Variants in PRPF39 observed in about 807,000 individuals in gnomAD.
PRPF39 encodes the protein pre-mRNA processing factor 39, also known as pre-mRNA-processing factor 39.
PRPF39 carries 27 observed loss-of-function variants against 82.1 expected under a neutral mutation model. The observed-to-expected ratio is 0.33, with a 90% CI of 0.24 to 0.45. The LOEUF (loss-of-function observed/expected upper bound fraction) is 0.45, where lower values mean the gene tolerates loss of function less well. Ranked by LOEUF, PRPF39 falls within the 20% of genes least tolerant of loss-of-function variation. The pLI, the probability that PRPF39 is intolerant of heterozygous loss-of-function variation, is 1.00. For missense variants in PRPF39, 581 were observed against 796.9 expected (o/e 0.73, Z 3.26); for synonymous variants, 261 against 256.4 (o/e 1.02, Z -0.17).
intron 4 of PRPF39, 111 bp downstream of exon 4, chr14:45,097,116 TAAA>T: frequency 7.3e-7 from 1 of 1,376,600 alleles, no homozygotes; most frequent in Non-Finnish European, 9.5e-7. Flanking sequence ...ATTCCATTGT[TAAA>T]AAAATGATAC....
chr14:45,114,621 C>G lies in PRPF39; in HGVS notation c.1953+7C>G. ...TTATAGTGCGTGGTATCAAGTGAGT[C>G]TGCATAATTATAATTCTTTGTTCAT... On this transcript the variant is annotated splice_region_variant and intron_variant, in intron 13 of 13. Transcript: ENST00000355765. The G allele has an allele frequency of 6.3e-7, 1 of 1,599,514 alleles. No individual in the cohort carries two copies. The highest frequency in any genetic ancestry group is 8.5e-7 in the Non-Finnish European group (1 of 1,175,840).
rs752426630 is a variant in PRPF39 at position 45,110,071 on chromosome 14, T to G, written c.1177-23T>G. 3.1e-6 allele frequency: 5 copies of G among 1,611,116 alleles called. No individual in the cohort carries two copies. Among genetic ancestry groups the G allele is most frequent in the Non-Finnish European group, 3.4e-6 (4 of 1,178,420 alleles). ...GCTTGTTCAACTGTAAATTATTCAG[T>G]ATTTCCTCTTTTCTGTATGTAGTAT... is the stretch of plus-strand genomic sequence containing the variant. On this transcript the variant is annotated intron_variant, in intron 8 of 13. Transcript: ENST00000355765. This position sits in a 1 kb window ranked among gnomAD's most constrained non-coding sequence, Gnocchi z 4.0.
rs1884824803 is a variant in PRPF39 at position 45,116,021 on chromosome 14, C to T, written c.*1108C>T. On this transcript the variant is annotated 3_prime_UTR_variant, in exon 14 of 14. Coordinates refer to ENST00000355765, the MANE Select transcript of PRPF39 (RefSeq NM_017922.4). ...AGGAAAGTATTTTAGACCAGGGATT[C>T]ATAAGGGATTTATCTCTCAAAAGCT... 2 of 555,868 alleles carry T rather than the reference C, an allele frequency of 3.6e-6. No individual in the cohort carries two copies. The highest frequency in any genetic ancestry group is 3.3e-6 in the Non-Finnish European group (1 of 306,208). 34.4% of individuals were successfully genotyped at this position (555,868 alleles called of 1,614,324 possible).
At chr14:45,103,494 A>G (rs1884437430) in intron 5 of PRPF39, among the ~76,000 whole-genome samples, 1 of 152,048 alleles carries the variant, frequency 6.6e-6, no homozygotes, top group Non-Finnish European at 1.5e-5. Context: ...AAACTTAGGT[A>G]CTTTTTAAGT....
At chr14:45,108,380 T>C (rs1594735298) in intron 6 of PRPF39, 35 bp from the exon 7 acceptor site, 1 of 1,554,982 alleles carries the variant, frequency 6.4e-7, no homozygotes, top group African/African-American at 1.4e-5. Flanking sequence ...GTATACAGTT[T>C]GTGAGATTTA....
At position 45,108,437 on chromosome 14, in the gene PRPF39, T is replaced by C. The variant is rs1459604705; in HGVS notation, c.926T>C (p.Met309Thr). Residue 309 changes from methionine (M) to threonine (T), a missense_variant, in exon 7 of 14, where the codon ATG becomes ACG. Coordinates refer to ENST00000355765, the MANE Select transcript of PRPF39 (RefSeq NM_017922.4). ...AAGCTAATTACAGAAATAGAAAACA[T>C]GAGACATAGAATCATTGAGATTCAT... is the stretch of plus-strand genomic sequence containing the variant. ...PAKLITEIENMRHRIIEIHQE... is the reference protein window; with the variant it reads ...PAKLITEIENTRHRIIEIHQE... 1 of 1,588,658 alleles carries C rather than the reference T, an allele frequency of 6.3e-7. No homozygotes were observed. The highest frequency in any genetic ancestry group is 8.5e-7 in the Non-Finnish European group (1 of 1,172,428).
intron 8 of PRPF39, 146 bp downstream of exon 8, chr14:45,109,926 T>C: frequency 6.6e-7 from 1 of 1,521,950 alleles, no homozygotes. Context: ...ATTTGACTGC[T>C]GCATATGCCA....
intron 2 of PRPF39, 70 bp from the exon 3 acceptor site, chr14:45,096,033 T>C: frequency 7.4e-7 from 1 of 1,347,992 alleles, no homozygotes; most frequent in Non-Finnish European, 1.0e-6. Flanking sequence ...TAATAACGTT[T>C]GAAAGGAATA....
At chr14:45,104,916 T>A (rs1002198147) in intron 5 of PRPF39, among the ~76,000 whole-genome samples, 12 of 152,200 alleles carry the variant, frequency 7.9e-5, no homozygotes, top group Non-Finnish European at 1.5e-4. Context: ...CAGTTTTGTG[T>A]CTTCTCTGTG....
At chr14:45,105,100 T>C (rs1268598874) in intron 5 of PRPF39, among the ~76,000 whole-genome samples, 1 of 152,216 alleles carries the variant, frequency 6.6e-6, no homozygotes, top group African/African-American at 2.4e-5. Flanking sequence ...ATCTCTAATA[T>C]TTAGGAATAG....
At chr14:45,095,615 A>AT (rs1884173280) in intron 2 of PRPF39, 52 bp downstream of exon 2, 1 of 1,473,132 alleles carries the variant, frequency 6.8e-7, no homozygotes. Context: ...CAAGTCATTA[A>AT]TTTATAATGA....
Position 45,115,120 on chromosome 14 carries a change from T to G in PRPF39, c.*207T>G, listed in dbSNP as rs994814588. ...TTTCCTACCATTTATAAAATTTACT[T>G]TTTATTGAAAAACTATTTTTTGATT... On this transcript the variant is annotated 3_prime_UTR_variant, in exon 14 of 14. Coordinates refer to ENST00000355765, the MANE Select transcript of PRPF39 (RefSeq NM_017922.4). 5.0e-5 allele frequency: 18 copies of G among 361,046 alleles called. No homozygotes were observed. The highest frequency in any genetic ancestry group is 8.3e-4 in the Middle Eastern group (1 of 1,202). 22.4% of individuals were successfully genotyped at this position (361,046 alleles called of 1,614,324 possible). A position where few individuals can be genotyped will look rare whatever the true frequency, so the allele number is the denominator to read the frequency against.
intron 5 of PRPF39, among the ~76,000 whole-genome samples, chr14:45,104,875 G>C (rs1182266358): frequency 6.6e-6 from 1 of 152,052 alleles, no homozygotes; most frequent in Non-Finnish European, 1.5e-5. Flanking sequence ...CTTTCCACTT[G>C]TCTAGTGGAC....
intron 5 of PRPF39, among the ~76,000 whole-genome samples, chr14:45,106,525 T>C (rs1884538071): frequency 6.6e-6 from 1 of 152,232 alleles, no homozygotes; most frequent in Non-Finnish European, 1.5e-5. Flanking sequence ...ATACAAATTA[T>C]TGCATGTTTT....
chr14:45,112,481 AT>A lies in PRPF39; in HGVS notation c.1740del (p.Phe580LeufsTer9). The A allele has an allele frequency of 6.6e-7, 1 of 1,519,366 alleles. No homozygotes were observed. The highest frequency in any genetic ancestry group is 1.4e-5 in the African/African-American group (1 of 70,362). The allele number at this position is 1,519,366 out of a possible 1,614,324, so 94.1% of individuals were successfully genotyped here. On this transcript the variant is annotated frameshift_variant, in exon 11 of 14. Transcript: ENST00000355765. LOFTEE classifies it high-confidence loss of function. Reference protein sequence around the residue: ...FSQRKVEFLEDFGSDVNKLLN... With the variant: ...FSQRKVEFLEXFGSDVNKLLN... ...CAGAGAAAAGTGGAATTTCTTGAAG[AT>A]TTTGGTTCCGATGTTAATAAGTAAG...
At chr14:45,085,936 GAA>G (rs771204543) in intron 1 of PRPF39, among the ~76,000 whole-genome samples, 1 of 140,358 alleles carries the variant, frequency 7.1e-6, no homozygotes, top group Non-Finnish European at 1.6e-5. Context: ...GAGGCATACA[GAA>G]AAAAAAAAAA....
chr14:45,096,739 A>G, intron 3 of PRPF39, 148 bp from the exon 4 acceptor site: 1 of 1,533,404 alleles, frequency 6.5e-7, no homozygotes, highest in East Asian at 2.5e-5. Flanking sequence ...GCCATGTTCT[A>G]TCCAACCTCC....
chr14:45,107,662 C>A, intron 6 of PRPF39, 46 bp downstream of exon 6: 1 of 1,513,674 alleles, frequency 6.6e-7, no homozygotes, highest in Admixed American at 2.0e-5. Flanking sequence ...GGTATGGTGG[C>A]TTATGCCTGT....
rs927071542 is a variant in PRPF39, at chr14:45,102,606, A to G, written c.647A>G (p.Glu216Gly). The change falls in exon 5 of 14, where the codon GAA becomes GGA. Residue 216 changes from glutamate (E) to glycine (G), a missense_variant. Coordinates refer to ENST00000355765, the MANE Select transcript of PRPF39 (RefSeq NM_017922.4). The part of the protein sequence containing the change: ...DRLWEMYINW[E>G]NEQGNLREVT... ...CTGTGGGAAATGTATATAAACTGGG[A>G]AAATGAGCAGGGAAACCTGAGAGAA... 1 of 1,611,450 alleles carries G rather than the reference A, an allele frequency of 6.2e-7. No homozygotes were observed. Among genetic ancestry groups the G allele is most frequent in the Non-Finnish European group, 8.5e-7 (1 of 1,178,234 alleles).
Sources: gnomAD v4.1 joint callset for allele counts (sites outside exome capture counted in the v4.1 genomes callset) on GRCh38, gnomAD v4.1.1 for gene constraint, Gnocchi (gnomAD v3.1) non-coding constraint, MANE v1.5 for transcripts, NCBI Gene and HGNC (gene_info 2026-07-23, HGNC 2026-07-21) for gene names.